The following BTN1A1 variants were observed in gnomAD, a reference collection of about 807,000 sequenced individuals.
The protein encoded by BTN1A1 is bK14H9.2 (butyrophilin, subfamily 1, member A1).
A neutral mutation model predicts 33.1 loss-of-function variants in BTN1A1; 26 were observed. That is an observed-to-expected ratio of 0.79 (90% CI 0.58 to 1.09). BTN1A1 has a LOEUF of 1.09. Ranked by LOEUF, BTN1A1 falls within the 50% of genes least tolerant of loss-of-function variation. The pLI is 0.00. For synonymous variants in BTN1A1, 235 were observed against 256.2 expected, an observed-to-expected ratio of 0.92 and a Z score of 0.79; for missense variants, 558 against 655.7, an observed-to-expected ratio of 0.85 and a Z score of 1.63.
chr6:26,501,424 A>G lies in BTN1A1; in HGVS notation c.79+59A>G. 1.9e-6 allele frequency: 3 copies of G among 1,586,468 alleles called. No individual in the cohort carries two copies. In the South Asian group the frequency reaches 3.3e-5, roughly 18 times the overall value. On this transcript the variant is annotated intron_variant, in intron 2 of 7. Transcript: ENST00000684113. The surrounding 1 kb of genome is among the most constrained non-coding windows in gnomAD (Gnocchi z 5.2). Reference sequence around the variant, plus strand: ...GAAATATATCAATAAATGTAAAATAAACAATCCCACTTGGCTCTCCCTGGA... The same window carrying G: ...GAAATATATCAATAAATGTAAAATAGACAATCCCACTTGGCTCTCCCTGGA...
chr6:26,505,022 G>T lies in BTN1A1; in HGVS notation c.525G>T (p.Val175=). The T allele has an allele frequency of 6.2e-7, 1 of 1,614,214 alleles. No homozygotes were observed. Among genetic ancestry groups the T allele is most frequent in the Non-Finnish European group, 8.5e-7 (1 of 1,180,046 alleles). The part of the protein sequence containing the change: ...TSVGWYPEPQ[V]QWRTSKGEKF... The stretch of plus-strand genomic sequence containing the variant: ...TGGGATGGTACCCAGAGCCCCAGGT[G>T]CAGTGGAGAACTTCCAAGGGAGAGA... Residue 175 remains valine (V), a synonymous_variant, in exon 4 of 8, where the codon GTG becomes GTT. Transcript: ENST00000684113.
intron 4 of BTN1A1, 144 bp from the exon 5 acceptor site, chr6:26,506,539 G>A (rs770881489): frequency 2.5e-6 from 2 of 784,670 alleles, no homozygotes; most frequent in African/African-American, 3.5e-5. Context: ...GTTTAGAGTG[G>A]CATTGGAGTG....
Position 26,505,067 on chromosome 6 carries a change from G to A in BTN1A1, c.570G>A (p.Glu190=). The change falls in exon 4 of 8, where the codon GAG becomes GAA. Residue 190 remains glutamate (E), a synonymous_variant. Transcript: ENST00000684113. ...GAGAGAAGTTTCCATCTACATCAGA[G>A]TCCAGGAATCCTGATGAAGAAGGTT... ...SKGEKFPSTS[E]SRNPDEEGLF... is the part of the protein sequence containing the mutation. 1 of 1,614,200 alleles carries A rather than the reference G, an allele frequency of 6.2e-7. No homozygotes were observed. Among genetic ancestry groups the A allele is most frequent in the African/African-American group, 1.3e-5 (1 of 75,052 alleles).
rs765357924 is a variant in BTN1A1, at chr6:26,508,709, C to T, written c.1116C>T (p.Ile372=). The change falls in exon 8 of 8, where the codon ATC becomes ATT. Residue 372 remains isoleucine (I), a synonymous_variant. Coordinates refer to ENST00000684113, the MANE Select transcript of BTN1A1 (RefSeq NM_001732.3). ...VEVGDRTDWA[I]GVCRENVMKK... ...TGGGAGACAGGACTGACTGGGCAAT[C>T]GGCGTGTGTAGGGAGAATGTGATGA... 35 of 1,613,938 alleles carry T rather than the reference C, an allele frequency of 2.2e-5. No individual in the cohort carries two copies. The highest frequency in any genetic ancestry group is 5.5e-5 in the South Asian group (5 of 91,084).
chr6:26,502,184 C>A (rs1278413607), intron 3 of BTN1A1, among the ~76,000 whole-genome samples: 1 of 152,180 alleles, frequency 6.6e-6, no homozygotes, highest in Non-Finnish European at 1.5e-5. Context: ...AAGGCAGGAT[C>A]AGCAAAAGAG....
Position 26,508,684 on chromosome 6 carries a change from T to A in BTN1A1, c.1091T>A (p.Val364Glu), listed in dbSNP as rs1252660250. 1 of 1,613,652 alleles carries A rather than the reference T, an allele frequency of 6.2e-7. No homozygotes were observed. The highest frequency in any genetic ancestry group is 8.5e-7 in the Non-Finnish European group (1 of 1,179,964). The change falls in exon 8 of 8, where the codon GTG (valine) becomes GAG (glutamate). Residue 364 changes from valine (V) to glutamate (E), a missense_variant. By Grantham distance (121) the Val-to-Glu change is moderately radical (BLOSUM62 -2). Coordinates refer to ENST00000684113, the MANE Select transcript of BTN1A1 (RefSeq NM_001732.3). ...GGAAGGCATTACTGGGAGGTGGAGG[T>A]GGGAGACAGGACTGACTGGGCAATC... ...TSGRHYWEVE[V>E]GDRTDWAIGV...
chr6:26,502,182 AT>A (rs1350940627), intron 3 of BTN1A1, among the ~76,000 whole-genome samples: 1 of 152,228 alleles, frequency 6.6e-6, no homozygotes, highest in Non-Finnish European at 1.5e-5. Context: ...AAAAGGCAGG[AT>A]CAGCAAAAGA....
In BTN1A1 at chr6:26,501,578, G is replaced by T. The variant is rs770527176; in HGVS notation, c.80-12G>T. 1 of 1,611,868 alleles carries T rather than the reference G, an allele frequency of 6.2e-7. No individual in the cohort carries two copies. The highest frequency in any genetic ancestry group is 2.2e-5 in the East Asian group (1 of 44,836). ...CTCCACATCCCGTCTGATCCCGCTC[G>T]TTTTTCGGCAGCTCCCTTTGACGTG... is the stretch of plus-strand genomic sequence containing the variant. On this transcript the variant is annotated splice_polypyrimidine_tract_variant and intron_variant, in intron 2 of 7. Coordinates refer to ENST00000684113, the MANE Select transcript of BTN1A1 (RefSeq NM_001732.3). The surrounding 1 kb of genome is among the most constrained non-coding windows in gnomAD (Gnocchi z 5.2).
rs986239180 is a variant in BTN1A1, at chr6:26,509,295, C to T, written c.*121C>T. 6 of 934,076 alleles carry T rather than the reference C, an allele frequency of 6.4e-6. No individual in the cohort carries two copies. Among genetic ancestry groups the T allele is most frequent in the African/African-American group, 5.0e-5 (3 of 60,324 alleles). 57.9% of individuals were successfully genotyped at this position (934,076 alleles called of 1,614,324 possible). A position where few individuals can be genotyped will look rare whatever the true frequency, so the allele number is the denominator to read the frequency against. ...CCTGTTGGGTGGCAATTAATTAATCCTGTGAAGGTTACATTGCTGCTGCTA... is the reference window on the plus strand; with the variant it reads ...CCTGTTGGGTGGCAATTAATTAATCTTGTGAAGGTTACATTGCTGCTGCTA... On this transcript the variant is annotated 3_prime_UTR_variant, in exon 8 of 8. Transcript: ENST00000684113.
At chr6:26,505,298 G>C (rs1763855853) in intron 4 of BTN1A1, 92 bp downstream of exon 4, 12 of 1,328,696 alleles carry the variant, frequency 9.0e-6, no homozygotes, top group African/African-American at 1.5e-5. Flanking sequence ...CCTCATGGCA[G>C]AGTTGTCTAC....
chr6:26,501,584 C>G lies in BTN1A1; in HGVS notation c.80-6C>G. Reference sequence around the variant, plus strand: ...ATCCCGTCTGATCCCGCTCGTTTTTCGGCAGCTCCCTTTGACGTGATTGGA... The same window carrying G: ...ATCCCGTCTGATCCCGCTCGTTTTTGGGCAGCTCCCTTTGACGTGATTGGA... On this transcript the variant is annotated splice_region_variant and splice_polypyrimidine_tract_variant and intron_variant, in intron 2 of 7. Coordinates refer to ENST00000684113, the MANE Select transcript of BTN1A1 (RefSeq NM_001732.3). This position sits in a 1 kb window ranked among gnomAD's most constrained non-coding sequence, Gnocchi z 5.2. 1 of 1,612,032 alleles carries G rather than the reference C, an allele frequency of 6.2e-7. No homozygotes were observed.
intron 3 of BTN1A1, among the ~76,000 whole-genome samples, chr6:26,504,200 A>G (rs948739203): frequency 6.6e-6 from 1 of 152,228 alleles, no homozygotes; most frequent in Non-Finnish European, 1.5e-5. Context: ...TATAATCTCA[A>G]GCCAAAGAAT....
chr6:26,504,808 C>G (rs9467774), intron 3 of BTN1A1, 117 bp from the exon 4 acceptor site: 5 of 1,020,790 alleles, frequency 4.9e-6, no homozygotes, highest in Non-Finnish European at 7.2e-6. Context: ...AGTTCTTCCC[C>G]CTACTAGTCC....
chr6:26,502,746 A>G (rs1347837249), intron 3 of BTN1A1, among the ~76,000 whole-genome samples: 1 of 152,140 alleles, frequency 6.6e-6, no homozygotes, highest in Non-Finnish European at 1.5e-5. Flanking sequence ...CATACCACAC[A>G]CTTTAAGGCT....
Position 26,501,735 on chromosome 6 carries a change from G to C in BTN1A1, c.225G>C (p.Leu75=). The change falls in exon 3 of 8, where the codon CTG becomes CTC. Residue 75 remains leucine, a synonymous_variant. Transcript: ENST00000684113. The surrounding 1 kb of genome is among the most constrained non-coding windows in gnomAD (Gnocchi z 5.2). The part of the protein sequence containing the change: ...WFRKKVSPAV[L]VHRDGREQEA... Reference sequence around the variant, plus strand: ...GAAAGAAGGTTTCGCCGGCCGTGCTGGTGCATAGGGACGGGCGCGAGCAGG... The same window carrying C: ...GAAAGAAGGTTTCGCCGGCCGTGCTCGTGCATAGGGACGGGCGCGAGCAGG... The C allele has an allele frequency of 6.2e-7, 1 of 1,613,888 alleles. No individual in the cohort carries two copies. Among genetic ancestry groups the C allele is most frequent in the Non-Finnish European group, 8.5e-7 (1 of 1,180,012 alleles).
Position 26,501,146 on chromosome 6 carries a change from C to G in BTN1A1, c.-57-84C>G. 1.4e-6 allele frequency: 1 copy of G among 710,270 alleles called. No individual in the cohort carries two copies. The highest frequency in any genetic ancestry group is 1.8e-5 in the African/African-American group (1 of 56,926). 44.0% of individuals were successfully genotyped at this position (710,270 alleles called of 1,614,324 possible). A position where few individuals can be genotyped will look rare whatever the true frequency, so the allele number is the denominator to read the frequency against. On this transcript the variant is annotated intron_variant, in intron 1 of 7. Coordinates refer to ENST00000684113, the MANE Select transcript of BTN1A1 (RefSeq NM_001732.3). This position sits in a 1 kb window ranked among gnomAD's most constrained non-coding sequence, Gnocchi z 5.2. ...CAGGGGCAAATGACCAGAACACTTG[C>G]AGCTGGAAAGAACTGTAGAGAGGAC...
chr6:26,505,589 T>C (rs1470629989), intron 4 of BTN1A1, among the ~76,000 whole-genome samples: 1 of 152,098 alleles, frequency 6.6e-6, no homozygotes, highest in Non-Finnish European at 1.5e-5. Context: ...CGTGCCCAAC[T>C]AATTTTGTGT....
At position 26,506,762 on chromosome 6, in the gene BTN1A1, G is replaced by A. The variant is rs376764627; in HGVS notation, c.789G>A (p.Gly263=). 164 of 1,614,026 alleles carry A rather than the reference G, an allele frequency of 1.0e-4. 1 individual carries two copies. In the South Asian group the frequency reaches 1.5e-3, roughly 15 times the overall value. ...TGGTTCTAGGACTTCTCACCATTGG[G>A]TCCATATTTTTCACTTGGAGACTAT... is the stretch of plus-strand genomic sequence containing the variant. The part of the protein sequence containing the change: ...ILMVLGLLTI[G]SIFFTWRLYN... Residue 263 remains glycine, a synonymous_variant, in exon 5 of 8, where the codon GGG becomes GGA. Transcript: ENST00000684113.
chr6:26,501,370 GTC>G lies in BTN1A1; in HGVS notation c.79+19_79+20del, dbSNP rs112012632. 2.9e-3 allele frequency: 4,302 copies of G among 1,479,170 alleles called. No homozygotes were observed. Among genetic ancestry groups the G allele is most frequent in the Non-Finnish European group, 3.5e-3 (3,848 of 1,086,978 alleles). 91.6% of individuals were successfully genotyped at this position (1,479,170 alleles called of 1,614,324 possible). On this transcript the variant is annotated splice_donor_region_variant and intron_variant, in intron 2 of 7. Coordinates refer to ENST00000684113, the MANE Select transcript of BTN1A1 (RefSeq NM_001732.3). The surrounding 1 kb of genome is among the most constrained non-coding windows in gnomAD (Gnocchi z 5.2). The stretch of plus-strand genomic sequence containing the variant: ...AGCTGCCCAAACTGGATTCAGGTAA[GTC>G]TCTCTCTCTCTCTGGGCTGCATAGT...
Sources: allele counts gnomAD v4.1 joint callset (sites outside exome capture counted in the v4.1 genomes callset), GRCh38; gene constraint gnomAD v4.1.1; non-coding constraint Gnocchi (gnomAD v3.1); transcripts MANE v1.5; gene names NCBI Gene and HGNC (gene_info 2026-07-23, HGNC 2026-07-21).